Variants in TDRD3 observed in about 807,000 individuals in gnomAD.
TDRD3 encodes the protein tudor domain-containing protein 3.
TDRD3 carries 45 observed loss-of-function variants against 86.7 expected under a neutral mutation model. The ratio of observed to expected loss-of-function variants is 0.52; its 90% CI spans 0.41 to 0.67. The LOEUF is 0.67. Among genes scored for constraint, TDRD3 ranks in the 30% least tolerant of loss-of-function variants. The probability of loss-of-function intolerance (pLI) is 0.00; values close to 1 mark genes in which losing one functional copy is unlikely to be tolerated. For synonymous variants in TDRD3, 298 were observed against 301.7 expected (o/e 0.99, Z 0.13); for missense variants, 814 against 889.0 (o/e 0.92, Z 1.07).
At chr13:60,479,523 G>T (rs1055078871) in intron 5 of TDRD3, among the ~76,000 whole-genome samples, 11 of 152,188 alleles carry the variant, frequency 7.2e-5, no homozygotes, top group African/African-American at 2.2e-4. Context: ...AATTGATTGG[G>T]TGTTGAGTTT....
chr13:60,405,584 G>A lies in TDRD3; in HGVS notation c.41+8179G>A, dbSNP rs1178120066. Among the ~76,000 whole-genome samples, 4 of 152,230 alleles carry A rather than the reference G, an allele frequency of 2.6e-5. No homozygotes were observed. In the East Asian group the frequency reaches 7.7e-4, roughly 29 times the overall value. ...GAGCACAGCATCTGCAAAAGTCATA[G>A]GGCACTAGGGAGCATGGTGAATACA... On this transcript the variant is annotated intron_variant, in intron 1 of 13. Coordinates refer to ENST00000377881, the MANE Select transcript of TDRD3 (RefSeq NM_001146070.2).
At chr13:60,492,869 G>T (rs1414111098) in intron 7 of TDRD3, among the ~76,000 whole-genome samples, 4 of 143,938 alleles carry the variant, frequency 2.8e-5, no homozygotes, top group African/African-American at 5.1e-5. Flanking sequence ...AAGTTTTCAT[G>T]TATACTTCTT....
Position 60,409,754 on chromosome 13 carries a change from G to A in TDRD3, c.41+12349G>A, listed in dbSNP as rs1329636152. 5.3e-5 allele frequency among the ~76,000 whole-genome samples: 8 copies of A among 152,174 alleles called. No homozygotes were observed. The East Asian group carries it at 7.7e-4, about 15-fold the overall frequency. Reference sequence around the variant, plus strand: ...CTCATAGGTGGAAGGGACTTGCCTTGTCTCAGATGAGACTTTGGACTGTGG... The same window carrying A: ...CTCATAGGTGGAAGGGACTTGCCTTATCTCAGATGAGACTTTGGACTGTGG... On this transcript the variant is annotated intron_variant, in intron 1 of 13. Coordinates refer to ENST00000377881, the MANE Select transcript of TDRD3 (RefSeq NM_001146070.2).
intron 5 of TDRD3, among the ~76,000 whole-genome samples, chr13:60,468,837 T>A (rs79477913): frequency 0.1 from 15,678 of 152,202 alleles, 1,006 homozygotes; most frequent in African/African-American, 0.18. Context: ...AAAAAATATT[T>A]GTGGAACAAA....
At chr13:60,461,196 A>G (rs149723654) in intron 4 of TDRD3, among the ~76,000 whole-genome samples, 91 of 152,316 alleles carry the variant, frequency 6.0e-4, no homozygotes, top group African/African-American at 2.1e-3. Context: ...TGTGTGTATA[A>G]TAGTGTGTTC....
intron 11 of TDRD3, among the ~76,000 whole-genome samples, chr13:60,532,183 A>G (rs1327105036): frequency 2.0e-5 from 3 of 152,228 alleles, no homozygotes; most frequent in African/African-American, 4.8e-5. Context: ...TATGTTCAAA[A>G]TGTCATGTAG....
chr13:60,456,088 AG>A (rs1348616276), intron 3 of TDRD3, among the ~76,000 whole-genome samples: 7 of 151,216 alleles, frequency 4.6e-5, no homozygotes, highest in Non-Finnish European at 4.4e-5. Context: ...AAAAAAAAAA[AG>A]ATTAATGGCT....
chr13:60,441,995 G>A (rs1172973686), intron 2 of TDRD3, among the ~76,000 whole-genome samples: 1 of 152,178 alleles, frequency 6.6e-6, no homozygotes, highest in Non-Finnish European at 1.5e-5. Flanking sequence ...TGGTCCAAGT[G>A]CAAAGTCCCT....
intron 12 of TDRD3, among the ~76,000 whole-genome samples, chr13:60,541,976 C>T (rs1380229604): frequency 1.3e-5 from 2 of 151,904 alleles, no homozygotes; most frequent in African/African-American, 2.4e-5. Flanking sequence ...ATCCACCTGC[C>T]TCAGCCTCCC....
In TDRD3 at chr13:60,529,149, C is replaced by A; in HGVS notation, c.1924C>A (p.Pro642Thr). ...KPEKILESSI[P>T]MEYAKMWKPG... ...AGAAAAAATACTAGAATCATCTATT[C>A]CTATGGAGTATGCAAAAATGTGGAA... The change falls in exon 11 of 14, where the codon CCT (proline) becomes ACT (threonine). Residue 642 changes from proline (P) to threonine (T), a missense_variant. Coordinates refer to ENST00000377881, the MANE Select transcript of TDRD3 (RefSeq NM_001146070.2). The A allele has an allele frequency of 6.2e-7, 1 of 1,611,542 alleles. No individual in the cohort carries two copies. Among genetic ancestry groups the A allele is most frequent in the Non-Finnish European group, 8.5e-7 (1 of 1,179,378 alleles).
At chr13:60,506,104 A>G (rs557338972) in intron 8 of TDRD3, among the ~76,000 whole-genome samples, 1 of 152,208 alleles carries the variant, frequency 6.6e-6, no homozygotes, top group Admixed American at 6.5e-5. Context: ...GTTGAAATGA[A>G]GGAAAAAATA....
At chr13:60,414,886 GT>G (rs548282396) in intron 1 of TDRD3, among the ~76,000 whole-genome samples, 6 of 148,326 alleles carry the variant, frequency 4.0e-5, no homozygotes, top group East Asian at 2.0e-4. Flanking sequence ...ACAGACAGTG[GT>G]TTTTTTTTTC....
rs376317616 is a variant in TDRD3 at position 60,401,679 on chromosome 13, TTTTG to T, written c.41+4286_41+4289del. 3.4e-3 allele frequency among the ~76,000 whole-genome samples: 525 copies of T among 152,268 alleles called. 4 individuals are homozygous for T. The highest frequency in any genetic ancestry group is 0.012 in the African/African-American group (501 of 41,558). On this transcript the variant is annotated intron_variant, in intron 1 of 13. Transcript: ENST00000377881. ...TAGCCATGGAGTACTCCAGGTTTTG[TTTTG>T]TTTGTTTGTTTTGAGGGCAGAGATG...
At chr13:60,493,340 C>T (rs1956639678) in intron 7 of TDRD3, among the ~76,000 whole-genome samples, 1 of 151,914 alleles carries the variant, frequency 6.6e-6, no homozygotes, top group Non-Finnish European at 1.5e-5. Flanking sequence ...ATTGTTTTAG[C>T]TTCTTCTTTT....
intron 12 of TDRD3, among the ~76,000 whole-genome samples, chr13:60,541,746 T>TTTTTTTTTTTTTA (rs1957818133): frequency 2.2e-5 from 3 of 135,922 alleles, no homozygotes; most frequent in Non-Finnish European, 4.8e-5. Flanking sequence ...TTTTTTTTTT[T>TTTTTTTTTTTTTA]GAGACGGAGT....
chr13:60,496,344 T>C (rs1956719245), intron 8 of TDRD3, among the ~76,000 whole-genome samples: 1 of 90,578 alleles, frequency 1.1e-5, no homozygotes, highest in Non-Finnish European at 2.2e-5. Context: ...TATATATATA[T>C]CCTCTAAAGT....
Position 60,460,391 on chromosome 13 carries a change from AT to A in TDRD3, c.205del (p.Cys69ValfsTer31). The A allele has an allele frequency of 6.2e-7, 1 of 1,602,688 alleles. No homozygotes were observed. Among genetic ancestry groups the A allele is most frequent in the Non-Finnish European group, 8.5e-7 (1 of 1,177,086 alleles). Reference sequence around the variant, plus strand: ...TTCTGTTTTGACAGCTCGAAGGTCCATGTGTTTTGCAAATTCAAAAAATTCG... The same window carrying A: ...TTCTGTTTTGACAGCTCGAAGGTCCAGTGTTTTGCAAATTCAAAAAATTCG... ...SGKVEKLEGP[C>X]VLQIQKIRNV... On this transcript the variant is annotated frameshift_variant, in exon 4 of 14. Coordinates refer to ENST00000377881, the MANE Select transcript of TDRD3 (RefSeq NM_001146070.2). LOFTEE classifies it high-confidence loss of function.
At chr13:60,495,853 C>T (rs754116086) in intron 8 of TDRD3, among the ~76,000 whole-genome samples, 2 of 152,074 alleles carry the variant, frequency 1.3e-5, no homozygotes, top group Non-Finnish European at 2.9e-5. Context: ...TGTGGAGGGT[C>T]AGAATCTTGT....
At chr13:60,500,684 T>A (rs1956812249) in intron 8 of TDRD3, among the ~76,000 whole-genome samples, 1 of 152,164 alleles carries the variant, frequency 6.6e-6, no homozygotes, top group African/African-American at 2.4e-5. Flanking sequence ...CTGTAGCCAA[T>A]GGTTTGGCTG....
Sources: gnomAD v4.1 joint callset for allele counts (sites outside exome capture counted in the v4.1 genomes callset) on GRCh38, gnomAD v4.1.1 for gene constraint, MANE v1.5 for transcripts, NCBI Gene and HGNC (gene_info 2026-07-23, HGNC 2026-07-21) for gene names.